Variants in FBXL7 observed in about 807,000 individuals in gnomAD.
The protein encoded by FBXL7 is F-box and leucine rich repeat protein 7, also known as F-box/LRR-repeat protein 7.
In FBXL7, 12 loss-of-function variants were observed where a neutral mutation model predicts 38.3. The observed-to-expected ratio is 0.31, with a 90% CI of 0.20 to 0.51. The LOEUF (loss-of-function observed/expected upper bound fraction) is 0.51. FBXL7 is among the 20% of genes least tolerant of loss of function. The pLI, the probability that FBXL7 is intolerant of heterozygous loss-of-function variation, is 0.98. For synonymous variants in FBXL7, 297 were observed against 300.9 expected, an observed-to-expected ratio of 0.99 and a Z score of 0.13; for missense variants, 567 against 676.4, an observed-to-expected ratio of 0.84 and a Z score of 1.79.
intron 1 of FBXL7, among the ~76,000 whole-genome samples, chr5:15,556,351 A>C (rs1166611138): frequency 6.6e-6 from 1 of 152,124 alleles, no homozygotes; most frequent in African/African-American, 2.4e-5. Flanking sequence ...AATTCAATTC[A>C]GTCTTCTGCC....
At chr5:15,872,406 C>CATAACAATAACA (rs750171208) in intron 2 of FBXL7, among the ~76,000 whole-genome samples, 19 of 151,968 alleles carry the variant, frequency 1.3e-4, no homozygotes, top group Admixed American at 2.6e-4. Flanking sequence ...CAAGTTCACA[C>CATAACAATAACA]ATAACAATAA....
intron 1 of FBXL7, among the ~76,000 whole-genome samples, chr5:15,532,518 A>G (rs1226012790): frequency 6.6e-6 from 1 of 152,210 alleles, no homozygotes; most frequent in Non-Finnish European, 1.5e-5. Flanking sequence ...TTCCTTGGCT[A>G]AGTTGAAAGG....
At chr5:15,533,952 C>T (rs1312247671) in intron 1 of FBXL7, among the ~76,000 whole-genome samples, 1 of 151,970 alleles carries the variant, frequency 6.6e-6, no homozygotes, top group Non-Finnish European at 1.5e-5. Context: ...TTTTTTTCCC[C>T]CTTTTTTGTC....
chr5:15,601,198 A>C (rs1739777534), intron 1 of FBXL7, among the ~76,000 whole-genome samples: 1 of 152,214 alleles, frequency 6.6e-6, no homozygotes, highest in African/African-American at 2.4e-5. Flanking sequence ...TAGAACCACC[A>C]GTGAACTTTA....
chr5:15,591,943 C>T (rs542888335), intron 1 of FBXL7, among the ~76,000 whole-genome samples: 57 of 152,104 alleles, frequency 3.7e-4, no homozygotes, highest in Non-Finnish European at 6.8e-4. Context: ...ATCTCTTGAC[C>T]TTGTGATCCG....
intron 2 of FBXL7, among the ~76,000 whole-genome samples, chr5:15,740,323 C>A (rs886877519): frequency 2.6e-5 from 4 of 152,176 alleles, no homozygotes; most frequent in African/African-American, 7.2e-5. Flanking sequence ...TCCTTTCCTG[C>A]AAGTTATGGA....
chr5:15,634,612 C>CGCCTGGCT (rs1741123879), intron 2 of FBXL7, among the ~76,000 whole-genome samples: 1 of 152,070 alleles, frequency 6.6e-6, no homozygotes, highest in African/African-American at 2.4e-5. Context: ...TGAGCCACTG[C>CGCCTGGCT]GCCTGGCTTT....
chr5:15,604,745 T>C (rs1739948624), intron 1 of FBXL7, among the ~76,000 whole-genome samples: 1 of 152,198 alleles, frequency 6.6e-6, no homozygotes, highest in South Asian at 2.1e-4. Flanking sequence ...TGTGTTAAAG[T>C]AGGAATTTCC....
At chr5:15,595,184 T>C (rs1739592324) in intron 1 of FBXL7, among the ~76,000 whole-genome samples, 1 of 152,158 alleles carries the variant, frequency 6.6e-6, no homozygotes, top group African/African-American at 2.4e-5. Context: ...ATCCCAAGAG[T>C]ACTATAAGTG....
intron 2 of FBXL7, among the ~76,000 whole-genome samples, chr5:15,744,301 A>G (rs894382097): frequency 6.6e-6 from 1 of 152,162 alleles, no homozygotes; most frequent in South Asian, 2.1e-4. Flanking sequence ...GGTACCCTAA[A>G]TCATCTGTCT....
At chr5:15,856,383 T>G (rs1216696952) in intron 2 of FBXL7, among the ~76,000 whole-genome samples, 1 of 151,800 alleles carries the variant, frequency 6.6e-6, no homozygotes, top group Non-Finnish European at 1.5e-5. Context: ...AAAAGCACAT[T>G]CTGGGGCCTA....
intron 1 of FBXL7, among the ~76,000 whole-genome samples, chr5:15,606,009 G>A (rs532094827): frequency 6.6e-6 from 1 of 152,188 alleles, no homozygotes; most frequent in South Asian, 2.1e-4. Context: ...CCTTAAATAT[G>A]TAATTTTTAT....
chr5:15,878,955 G>A (rs547127394), intron 2 of FBXL7, among the ~76,000 whole-genome samples: 2 of 152,184 alleles, frequency 1.3e-5, no homozygotes, highest in Non-Finnish European at 2.9e-5. Context: ...GTATCAGAAA[G>A]CTGGGGAGCT....
At chr5:15,781,635 A>C (rs1736995646) in intron 2 of FBXL7, among the ~76,000 whole-genome samples, 1 of 152,084 alleles carries the variant, frequency 6.6e-6, no homozygotes, top group Non-Finnish European at 1.5e-5. Context: ...GAGAAAAGGG[A>C]GCATTCAAGC....
chr5:15,912,757 CA>C (rs1242882559), intron 2 of FBXL7, among the ~76,000 whole-genome samples: 1 of 152,088 alleles, frequency 6.6e-6, no homozygotes, highest in Non-Finnish European at 1.5e-5. Flanking sequence ...CTCCCGCACT[CA>C]GGGACCCACC....
intron 2 of FBXL7, among the ~76,000 whole-genome samples, chr5:15,696,320 G>T (rs949673668): frequency 2.9e-4 from 44 of 152,202 alleles, no homozygotes; most frequent in African/African-American, 1.1e-3. Flanking sequence ...CTTTCTAAAT[G>T]TCCATCTTCT....
At chr5:15,560,841 TTATAA>T (rs1414000479) in intron 1 of FBXL7, among the ~76,000 whole-genome samples, 1 of 152,170 alleles carries the variant, frequency 6.6e-6, no homozygotes, top group Non-Finnish European at 1.5e-5. Flanking sequence ...TACATATGTA[TTATAA>T]TATTAATGTT....
At chr5:15,588,625 G>A (rs1739372199) in intron 1 of FBXL7, among the ~76,000 whole-genome samples, 1 of 152,104 alleles carries the variant, frequency 6.6e-6, no homozygotes, top group South Asian at 2.1e-4. Context: ...GACCTCAAGG[G>A]ATCTGCCCAC....
intron 2 of FBXL7, among the ~76,000 whole-genome samples, chr5:15,889,378 C>T (rs985316262): frequency 2.0e-5 from 3 of 152,178 alleles, no homozygotes; most frequent in African/African-American, 7.2e-5. Context: ...GAGTATCTTC[C>T]TCATTGAAAG....
Sources: gnomAD v4.1 joint callset for allele counts (sites outside exome capture counted in the v4.1 genomes callset) on GRCh38, gnomAD v4.1.1 for gene constraint, MANE v1.5 for transcripts, NCBI Gene and HGNC (gene_info 2026-07-23, HGNC 2026-07-21) for gene names.